Variants in ANKS1B observed in about 807,000 individuals in gnomAD.
The protein encoded by ANKS1B is ankyrin repeat and sterile alpha motif domain-containing protein 1B.
A neutral mutation model predicts 148.3 loss-of-function variants in ANKS1B; 36 were observed. That is an observed-to-expected ratio of 0.24 (90% CI 0.19 to 0.32). The LOEUF (loss-of-function observed/expected upper bound fraction) is 0.32. Ranked by LOEUF, ANKS1B falls within the 10% of genes least tolerant of loss-of-function variation. The pLI is 1.00. For missense variants in ANKS1B, 1,157 were observed against 1,542.6 expected (o/e 0.75, Z 4.19); for synonymous variants, 542 against 560.8 (o/e 0.97, Z 0.47).
intron 9 of ANKS1B, among the ~76,000 whole-genome samples, chr12:99,519,040 C>G (rs962102104): frequency 6.6e-6 from 1 of 151,950 alleles, no homozygotes; most frequent in Non-Finnish European, 1.5e-5. Flanking sequence ...TTCCAAAATT[C>G]CTCTTGTTAT....
chr12:99,542,061 T>A (rs969638588), intron 9 of ANKS1B, among the ~76,000 whole-genome samples: 5 of 152,172 alleles, frequency 3.3e-5, no homozygotes, highest in African/African-American at 9.6e-5. Context: ...CTGAAGGTTC[T>A]AGTCAGGGCA....
intron 25 of ANKS1B, among the ~76,000 whole-genome samples, chr12:98,755,434 G>C (rs76999684): frequency 6.6e-6 from 1 of 152,178 alleles, no homozygotes; most frequent in Non-Finnish European, 1.5e-5. Flanking sequence ...TATTATCCCT[G>C]CAACTGTGGG....
At chr12:99,892,243 T>C (rs1036299444) in intron 1 of ANKS1B, among the ~76,000 whole-genome samples, 1 of 152,156 alleles carries the variant, frequency 6.6e-6, no homozygotes, top group Non-Finnish European at 1.5e-5. Context: ...GACCTCGTGA[T>C]CTGCCCACCT....
intron 24 of ANKS1B, 117 bp from the exon 25 acceptor site, chr12:98,773,296 G>C (rs1415588106): frequency 8.6e-7 from 1 of 1,162,650 alleles, no homozygotes; most frequent in Non-Finnish European, 1.2e-6. Context: ...TTCTAGACTA[G>C]CAACACTCAA....
intron 9 of ANKS1B, among the ~76,000 whole-genome samples, chr12:99,519,639 C>A (rs925990144): frequency 6.6e-6 from 1 of 151,910 alleles, no homozygotes; most frequent in African/African-American, 2.4e-5. Context: ...GTGTTTCTTG[C>A]AGGCACAGAT....
At chr12:99,379,137 T>G (rs2093531148) in intron 12 of ANKS1B, among the ~76,000 whole-genome samples, 1 of 152,358 alleles carries the variant, frequency 6.6e-6, no homozygotes, top group Non-Finnish European at 1.5e-5. Flanking sequence ...AAAGGTTTGC[T>G]TCTCGAGGTC....
chr12:98,879,292 G>C (rs1453854544), intron 17 of ANKS1B, among the ~76,000 whole-genome samples: 2 of 152,170 alleles, frequency 1.3e-5, no homozygotes, highest in Admixed American at 6.5e-5. Flanking sequence ...CTAATATTTA[G>C]TCTTCAGAAT....
rs187508975 is a variant in ANKS1B at position 98,944,595 on chromosome 12, T to G, written c.2778+108562A>C. Among the ~76,000 whole-genome samples the G allele has an allele frequency of 1.0e-3, 154 of 152,264 alleles. 1 individual carries two copies. The highest frequency in any genetic ancestry group is 1.9e-3 in the Non-Finnish European group (130 of 68,020). ...ATATATGCATACAAACTAGGAAATA[T>G]AGTCATTTATATTTATCAGGATTCA... On this transcript the variant is annotated intron_variant, in intron 17 of 26. Coordinates refer to ENST00000683438, the MANE Select transcript of ANKS1B (RefSeq NM_001352186.2).
intron 12 of ANKS1B, among the ~76,000 whole-genome samples, chr12:99,333,986 G>A (rs1348647674): frequency 2.0e-5 from 3 of 151,304 alleles, no homozygotes; most frequent in African/African-American, 7.3e-5. Flanking sequence ...TTTATGGCTG[G>A]TGTGAGGTTA....
intron 1 of ANKS1B, among the ~76,000 whole-genome samples, chr12:99,981,740 G>A (rs1487947671): frequency 6.6e-6 from 1 of 152,100 alleles, no homozygotes; most frequent in Non-Finnish European, 1.5e-5. Context: ...TCCTAAGGCT[G>A]ACACAAGAAT....
chr12:99,388,662 C>T (rs2093961291), intron 12 of ANKS1B, among the ~76,000 whole-genome samples: 1 of 152,160 alleles, frequency 6.6e-6, no homozygotes, highest in Middle Eastern at 3.4e-3. Context: ...CTTAACTGGG[C>T]CCTCTGCTCA....
chr12:99,450,565 CA>C (rs1382465517), intron 10 of ANKS1B, among the ~76,000 whole-genome samples: 2 of 152,062 alleles, frequency 1.3e-5, no homozygotes, highest in Non-Finnish European at 2.9e-5. Context: ...TAGTATAAGA[CA>C]GTGGATAATT....
rs1567883553 is a variant in ANKS1B at position 99,806,389 on chromosome 12, T to TA, written c.669+14dup. 1 of 1,612,438 alleles carries TA rather than the reference T, an allele frequency of 6.2e-7. No homozygotes were observed. Among genetic ancestry groups the TA allele is most frequent in the Non-Finnish European group, 8.5e-7 (1 of 1,179,512 alleles). ...AGCATCATCACTTTTAAAGCATAGC[T>TA]AAAAGCACACTCACTTGACAGCTCA... On this transcript the variant is annotated intron_variant, in intron 4 of 26. Transcript: ENST00000683438.
At chr12:99,798,991 AAAC>A (rs2066602446) in intron 4 of ANKS1B, among the ~76,000 whole-genome samples, 2 of 152,044 alleles carry the variant, frequency 1.3e-5, no homozygotes, top group Non-Finnish European at 2.9e-5. Context: ...AAAACAAAAC[AAAC>A]AACCAAAGAA....
intron 14 of ANKS1B, among the ~76,000 whole-genome samples, chr12:99,231,159 GA>G (rs1338241387): frequency 6.6e-6 from 1 of 152,070 alleles, no homozygotes; most frequent in Non-Finnish European, 1.5e-5. Flanking sequence ...TGGGACATAG[GA>G]TATGTTCAGG....
intron 15 of ANKS1B, among the ~76,000 whole-genome samples, chr12:99,127,652 G>C (rs2153742836): frequency 6.6e-6 from 1 of 152,284 alleles, no homozygotes; most frequent in South Asian, 2.1e-4. Flanking sequence ...TTAGAAACTT[G>C]GCTGCACCAA....
At chr12:99,235,301 A>G (rs2087695052) in intron 14 of ANKS1B, among the ~76,000 whole-genome samples, 1 of 152,166 alleles carries the variant, frequency 6.6e-6, no homozygotes. Context: ...GAACATTAAT[A>G]TCCAATGTTA....
intron 1 of ANKS1B, among the ~76,000 whole-genome samples, chr12:99,944,131 G>A (rs1000017404): frequency 1.3e-5 from 2 of 152,078 alleles, no homozygotes; most frequent in Admixed American, 1.3e-4. Context: ...GGGAGCATAA[G>A]GGCACTCTTC....
intron 12 of ANKS1B, among the ~76,000 whole-genome samples, chr12:99,325,527 A>G (rs983007498): frequency 5.9e-5 from 9 of 152,110 alleles, no homozygotes; most frequent in African/African-American, 2.2e-4. Flanking sequence ...AAGAGGGTCA[A>G]CGATTAACAG....
Sources: gnomAD v4.1 joint callset for allele counts (sites outside exome capture counted in the v4.1 genomes callset) on GRCh38, gnomAD v4.1.1 for gene constraint, MANE v1.5 for transcripts, NCBI Gene and HGNC (gene_info 2026-07-23, HGNC 2026-07-21) for gene names.